The following ERMARD variants were observed in gnomAD, a reference collection of about 807,000 sequenced individuals.
ERMARD encodes endoplasmic reticulum membrane-associated RNA degradation protein.
Under a neutral mutation model 83.9 loss-of-function variants are expected in ERMARD, and 71 were observed. That is an observed-to-expected ratio of 0.85 (90% CI 0.70 to 1.03). The LOEUF (loss-of-function observed/expected upper bound fraction) is 1.03, where lower values mean the gene tolerates loss of function less well. Ranked by LOEUF, ERMARD falls within the 50% of genes least tolerant of loss-of-function variation. The pLI is 0.00. For missense variants in ERMARD, 838 were observed against 810.9 expected (o/e 1.03, Z -0.41); for synonymous variants, 284 against 298.6 (o/e 0.95, Z 0.50).
At chr6:169,762,404 A>T in intron 8 of ERMARD, 25 bp from the exon 9 acceptor site, 9 of 1,571,266 alleles carry the variant, frequency 5.7e-6, no homozygotes, top group African/African-American at 1.4e-5. Context: ...GTGGAGTTTT[A>T]CCTCTTTTCC....
In ERMARD at chr6:169,773,414, G is replaced by A; in HGVS notation, c.1317+12G>A. 3.7e-6 allele frequency: 6 copies of A among 1,613,944 alleles called. No individual in the cohort carries two copies. The South Asian group carries it at 5.5e-5, about 15-fold the overall frequency. On this transcript the variant is annotated intron_variant, in intron 13 of 17. Coordinates refer to ENST00000366773, the MANE Select transcript of ERMARD (RefSeq NM_018341.3). ...AGCTTAAAAAACAGGTATGCCAAAT[G>A]CAGGGTCCCGGGAGGGGCGTGTATG...
intron 5 of ERMARD, among the ~76,000 whole-genome samples, chr6:169,758,499 G>C (rs1295433949): frequency 2.6e-5 from 4 of 152,232 alleles, no homozygotes; most frequent in African/African-American, 4.8e-5. Context: ...TCGGGCATCT[G>C]CCCTGCTGCC....
At chr6:169,768,896 A>G (rs1462693730) in intron 11 of ERMARD, among the ~76,000 whole-genome samples, 1 of 152,278 alleles carries the variant, frequency 6.6e-6, no homozygotes, top group Non-Finnish European at 1.5e-5. Context: ...AATTTGGACT[A>G]CAATAGGTAT....
intron 11 of ERMARD, 101 bp from the exon 12 acceptor site, chr6:169,769,439 A>T: frequency 8.9e-7 from 1 of 1,119,506 alleles, no homozygotes; most frequent in Non-Finnish European, 1.2e-6. Flanking sequence ...AGGGCTTCAG[A>T]GGACTTGATG....
At chr6:169,768,584 C>T (rs576256489) in intron 11 of ERMARD, among the ~76,000 whole-genome samples, 7 of 152,086 alleles carry the variant, frequency 4.6e-5, no homozygotes, top group African/African-American at 1.7e-4. Flanking sequence ...GTTGAAACCC[C>T]GTCTCTACTA....
Position 169,762,111 on chromosome 6 carries a change from A to C in ERMARD, c.858-318A>C, listed in dbSNP as rs377735331. Reference sequence around the variant, plus strand: ...TTTTTTGCTTGTTTTTTACTTAGAGAGTCTTAGTCTGTCACTCAAGCTAGA... The same window carrying C: ...TTTTTTGCTTGTTTTTTACTTAGAGCGTCTTAGTCTGTCACTCAAGCTAGA... On this transcript the variant is annotated intron_variant, in intron 8 of 17. Coordinates refer to ENST00000366773, the MANE Select transcript of ERMARD (RefSeq NM_018341.3). Among the ~76,000 whole-genome samples, 8 of 151,864 alleles carry C rather than the reference A, an allele frequency of 5.3e-5. No homozygotes were observed. The East Asian group carries it at 1.5e-3, about 29-fold the overall frequency.
At chr6:169,772,259 C>T (rs765223175) in intron 12 of ERMARD, among the ~76,000 whole-genome samples, 1 of 152,202 alleles carries the variant, frequency 6.6e-6, no homozygotes, top group Non-Finnish European at 1.5e-5. Flanking sequence ...GAACAGAAGC[C>T]AGGTGCTCTT....
At chr6:169,751,477 A>T, upstream of ERMARD, 1 of 1,611,960 alleles carries the variant, frequency 6.2e-7, no homozygotes, top group South Asian at 1.1e-5. Flanking sequence ...GTTCTCCAAG[A>T]CGCCCACCGC....
At chr6:169,766,148 T>G (rs1374070060) in intron 9 of ERMARD, among the ~76,000 whole-genome samples, 1 of 152,234 alleles carries the variant, frequency 6.6e-6, no homozygotes, top group Non-Finnish European at 1.5e-5. Flanking sequence ...GCCTGTAGGT[T>G]TCATGTCTAG....
chr6:169,773,896 A>C (rs958575370), intron 13 of ERMARD, among the ~76,000 whole-genome samples: 3 of 152,224 alleles, frequency 2.0e-5, no homozygotes, highest in Non-Finnish European at 1.5e-5. Flanking sequence ...AGGGTAGTGC[A>C]AGGGGATGAA....
intron 1 of ERMARD, among the ~76,000 whole-genome samples, chr6:169,752,305 G>C (rs780911190): frequency 4.6e-5 from 7 of 152,208 alleles, no homozygotes; most frequent in Non-Finnish European, 2.9e-5. Flanking sequence ...AGCCCTACCA[G>C]GTGCAGCCTG....
chr6:169,753,585 G>A (rs996526673), intron 1 of ERMARD, among the ~76,000 whole-genome samples: 4 of 151,502 alleles, frequency 2.6e-5, no homozygotes, highest in Non-Finnish European at 4.4e-5. Context: ...AGAAAGTAAA[G>A]GAATAAACAA....
chr6:169,781,209 C>T, intron 17 of ERMARD, 121 bp from the exon 18 acceptor site: 1 of 864,678 alleles, frequency 1.2e-6, no homozygotes, highest in Non-Finnish European at 1.7e-6. Context: ...TTTCTTGAAT[C>T]CTCAGACATA....
chr6:169,751,681 C>G lies in ERMARD; in HGVS notation c.6+18C>G. 3.9e-6 allele frequency: 6 copies of G among 1,550,072 alleles called. No individual in the cohort carries two copies. The highest frequency in any genetic ancestry group is 4.4e-6 in the Non-Finnish European group (5 of 1,147,348). On this transcript the variant is annotated intron_variant, in intron 1 of 17. Coordinates refer to ENST00000366773, the MANE Select transcript of ERMARD (RefSeq NM_018341.3). ...TTATGGAGGTAGGGCGGGTGTAGGG[C>G]CCGGTTCGATCCCGAGCTAGGCAGG...
In ERMARD at chr6:169,756,769, T is replaced by G. The variant is rs1163079005; in HGVS notation, c.468T>G (p.Leu156=). 6.2e-7 allele frequency: 1 copy of G among 1,614,106 alleles called. No homozygotes were observed. Among genetic ancestry groups the G allele is most frequent in the East Asian group, 2.2e-5 (1 of 44,888 alleles). Residue 156 remains leucine (L), a synonymous_variant, in exon 5 of 18, where the codon CTT becomes CTG. Coordinates refer to ENST00000366773, the MANE Select transcript of ERMARD (RefSeq NM_018341.3). ...GCCCCTTTCTTTTAAGAGATCTGCT[T>G]TCATCTGAGGAGCTTGCTCAAGTCT... The part of the protein sequence containing the change: ...KECPFLLRDL[L]SSEELAQVFS...
rs754778636 is a variant in ERMARD, at chr6:169,759,838, A to G, written c.606A>G (p.Lys202=). Residue 202 remains lysine (K), a splice_region_variant and synonymous_variant, in exon 7 of 18, where the codon AAA becomes AAG. Coordinates refer to ENST00000366773, the MANE Select transcript of ERMARD (RefSeq NM_018341.3). ...GFASPEEIPP[K]YCSMMILLTA... ...AACAGATCTCTATGGTATTTCCTAG[A>G]TACTGTTCAATGATGATACTGTTGA... 3 of 1,613,132 alleles carry G rather than the reference A, an allele frequency of 1.9e-6. No individual in the cohort carries two copies. In the Admixed American group the frequency reaches 5.0e-5, roughly 27 times the overall value.
chr6:169,777,779 C>T (rs991891718), intron 16 of ERMARD, among the ~76,000 whole-genome samples: 2 of 150,812 alleles, frequency 1.3e-5, no homozygotes, highest in East Asian at 3.9e-4. Context: ...CGCCCCCCTT[C>T]CCCCCACCCA....
In ERMARD at chr6:169,759,051, A is replaced by G; in HGVS notation, c.591A>G (p.Glu197=). The change falls in exon 6 of 18, where the codon GAA becomes GAG. Residue 197 remains glutamate (E), a synonymous_variant. Coordinates refer to ENST00000366773, the MANE Select transcript of ERMARD (RefSeq NM_018341.3). ...TATGGCATGGGTTTGCGTCACCTGA[A>G]GAAATTCCTCCAAAGTAAGTTGCAA... is the stretch of plus-strand genomic sequence containing the variant. ...NVLWHGFASP[E]EIPPKYCSMM... 1 of 1,613,928 alleles carries G rather than the reference A, an allele frequency of 6.2e-7. No homozygotes were observed. Among genetic ancestry groups the G allele is most frequent in the East Asian group, 2.2e-5 (1 of 44,888 alleles).
chr6:169,781,260 A>G, intron 17 of ERMARD, 70 bp from the exon 18 acceptor site: 1 of 1,367,364 alleles, frequency 7.3e-7, no homozygotes, highest in Non-Finnish European at 9.8e-7. Context: ...CCAAGAATGA[A>G]GTGAAGACAT....
Sources: allele counts gnomAD v4.1 joint callset (sites outside exome capture counted in the v4.1 genomes callset), GRCh38; gene constraint gnomAD v4.1.1; transcripts MANE v1.5; gene names NCBI Gene and HGNC (gene_info 2026-07-23, HGNC 2026-07-21).